ZFAND2A: variants seen among roughly 807,000 people sequenced by gnomAD.
The protein encoded by ZFAND2A is zinc finger AN1-type containing 2A.
A neutral mutation model predicts 11.6 loss-of-function variants in ZFAND2A; 20 were observed. The observed-to-expected ratio is 1.72, with a 90% CI of 1.21 to 2.50. The LOEUF (loss-of-function observed/expected upper bound fraction) is 2.50. Among genes scored for constraint, ZFAND2A ranks in the 30% most tolerant of loss-of-function variants. The pLI is 0.00. For synonymous variants in ZFAND2A, 93 were observed against 60.6 expected, an observed-to-expected ratio of 1.54 and a Z score of -2.48; for missense variants, 234 against 182.9, an observed-to-expected ratio of 1.28 and a Z score of -1.61.
downstream of ZFAND2A, among the ~76,000 whole-genome samples, chr7:1,148,875 C>T (rs1390095013): frequency 1.3e-5 from 2 of 148,536 alleles, no homozygotes; most frequent in Non-Finnish European, 3.0e-5. Flanking sequence ...CTCTGTGACC[C>T]AGGCTGGAGT....
At chr7:1,155,778 G>T in intron 3 of ZFAND2A, 194 bp from the exon 4 acceptor site, 1 of 566,944 alleles carries the variant, frequency 1.8e-6, no homozygotes, top group South Asian at 2.1e-5. Context: ...GGCATCAGCT[G>T]CCCTGAGGAG....
chr7:1,153,119 A>G lies in ZFAND2A; in HGVS notation c.388T>C (p.Leu130=), dbSNP rs1405451231. Residue 130 remains leucine (L), a synonymous_variant, in exon 5 of 5, where the codon TTG becomes CTG. Coordinates refer to ENST00000316495, the MANE Select transcript of ZFAND2A (RefSeq NM_182491.4). ...CTCCCGTGTCTGCAGCTGTGGTCCAAAGGGTGTCTGTGCTGGATACAGAAG... is the reference window on the plus strand; with the variant it reads ...CTCCCGTGTCTGCAGCTGTGGTCCAGAGGGTGTCTGTGCTGGATACAGAAG... The part of the protein sequence containing the change: ...GNFCIQHRHP[L]DHSCRHGSRP... 3 of 1,614,164 alleles carry G rather than the reference A, an allele frequency of 1.9e-6. No homozygotes were observed. The South Asian group carries it at 3.3e-5, about 18-fold the overall frequency.
At chr7:1,149,711 C>T (rs1793363016), downstream of ZFAND2A, among the ~76,000 whole-genome samples, 1 of 152,230 alleles carries the variant, frequency 6.6e-6, no homozygotes, top group Non-Finnish European at 1.5e-5. Flanking sequence ...GTGCAGAGTG[C>T]TACTGCGCTG....
intron 4 of ZFAND2A, among the ~76,000 whole-genome samples, chr7:1,153,831 A>G (rs1290286531): frequency 6.6e-6 from 1 of 152,168 alleles, no homozygotes; most frequent in Non-Finnish European, 1.5e-5. Context: ...CTGTAATCCC[A>G]GCTACTTGGG....
downstream of ZFAND2A, among the ~76,000 whole-genome samples, chr7:1,150,887 C>CTTTTTTTTTTTTTT (rs10568309): frequency 3.2e-4 from 41 of 128,096 alleles, 1 homozygote; most frequent in Non-Finnish European, 5.2e-4. Flanking sequence ...ACAACTGTGC[C>CTTTTTTTTTTTTTT]TTTTTTTTTT....
rs552835723 is a variant in ZFAND2A, at chr7:1,157,478, G to A, written c.150+178C>T. On this transcript the variant is annotated intron_variant, in intron 3 of 4. Transcript: ENST00000316495. ...CAGAATGTCCTGTGAGGGCAGACAC[G>A]CTCCTCTGTACTGCCTAACAGCAGG... The A allele has an allele frequency of 2.9e-5, 15 of 520,878 alleles. No homozygotes were observed. In the Middle Eastern group the frequency reaches 8.7e-4, roughly 30 times the overall value. 32.3% of individuals were successfully genotyped at this position (520,878 alleles called of 1,614,324 possible).
chr7:1,151,429 CG>C (rs1054422317), downstream of ZFAND2A, among the ~76,000 whole-genome samples: 3 of 151,828 alleles, frequency 2.0e-5, no homozygotes, highest in African/African-American at 7.3e-5. Flanking sequence ...TGGTGAAGAG[CG>C]CAAGTGAGCT....
chr7:1,149,627 A>T (rs1249933349), downstream of ZFAND2A, among the ~76,000 whole-genome samples: 2 of 152,182 alleles, frequency 1.3e-5, no homozygotes, highest in East Asian at 3.9e-4. Context: ...AGGGACTTAC[A>T]CAGAGCTCGA....
At position 1,159,632 on chromosome 7, in the gene ZFAND2A, A is replaced by C. The variant is rs1336217032; in HGVS notation, c.-46+332T>G. ...CCAGCAGACAGGCCGGACCCCCAGC[A>C]GCCAGACCCCGGCAGGCCCGGTCCC... On this transcript the variant is annotated intron_variant, in intron 1 of 4. Transcript: ENST00000316495. 9.7e-5 allele frequency among the ~76,000 whole-genome samples: 5 copies of C among 51,588 alleles called. 2 individuals are homozygous for C. The highest frequency in any genetic ancestry group is 2.1e-4 in the Non-Finnish European group (5 of 24,244). 33.8% of individuals were successfully genotyped at this position (51,588 alleles called of 152,430 possible). A position where few individuals can be genotyped will look rare whatever the true frequency, so the allele number is the denominator to read the frequency against.
At chr7:1,152,280 C>T (rs761560106), downstream of ZFAND2A, 18 of 1,583,330 alleles carry the variant, frequency 1.1e-5, no homozygotes, top group Admixed American at 9.0e-5. Flanking sequence ...TGGGCCAGCC[C>T]GCCAGGAGCC....
At chr7:1,159,474 A>C in intron 1 of ZFAND2A, among the ~76,000 whole-genome samples, 1 of 138,238 alleles carries the variant, frequency 7.2e-6, no homozygotes. Context: ...GACAGGCCGG[A>C]CCCCCAGCAG....
intron 1 of ZFAND2A, among the ~76,000 whole-genome samples, chr7:1,159,536 A>C (rs1403521305): frequency 1.1e-5 from 1 of 94,278 alleles, no homozygotes; most frequent in Admixed American, 1.1e-4. Context: ...CCCAACAGCC[A>C]GACCCCGGCA....
At chr7:1,159,109 CCCGCT>C (rs1169433130) in intron 1 of ZFAND2A, among the ~76,000 whole-genome samples, 1 of 152,148 alleles carries the variant, frequency 6.6e-6, no homozygotes, top group Non-Finnish European at 1.5e-5. Flanking sequence ...ATGTTACACG[CCCGCT>C]ACTTAAGGTG....
chr7:1,155,752 C>A (rs1444456754), intron 3 of ZFAND2A, 168 bp from the exon 4 acceptor site: 23 of 790,956 alleles, frequency 2.9e-5, no homozygotes, highest in Non-Finnish European at 3.7e-5. Flanking sequence ...TTAGCGGCAG[C>A]CATCTCTAGA....
chr7:1,159,214 G>C (rs1046830377), intron 1 of ZFAND2A, among the ~76,000 whole-genome samples: 2 of 152,328 alleles, frequency 1.3e-5, no homozygotes, highest in South Asian at 4.1e-4. Context: ...CCGACACACA[G>C]CAGGCGTTCC....
chr7:1,155,519 T>A lies in ZFAND2A; in HGVS notation c.216A>T (p.Pro72=), dbSNP rs1200345406. The part of the protein sequence containing the change: ...TPIPVKKGQI[P]DVVVGDHIDR... ...CAATGTGATCACCAACCACCACGTC[T>A]GGTATCTGGCCCTTTTTTACTGGGA... Residue 72 remains proline (P), a synonymous_variant, in exon 4 of 5, where the codon CCA becomes CCT. Coordinates refer to ENST00000316495, the MANE Select transcript of ZFAND2A (RefSeq NM_182491.4). 3 of 1,613,974 alleles carry A rather than the reference T, an allele frequency of 1.9e-6. No homozygotes were observed. The South Asian group carries it at 3.3e-5, about 18-fold the overall frequency.
At chr7:1,159,360 T>C (rs1430727637) in intron 1 of ZFAND2A, among the ~76,000 whole-genome samples, 1 of 152,056 alleles carries the variant, frequency 6.6e-6, no homozygotes, top group Non-Finnish European at 1.5e-5. Context: ...AAAACACACA[T>C]CTACGTGGCT....
chr7:1,153,216 T>C lies in ZFAND2A; in HGVS notation c.291A>G (p.Thr97=), dbSNP rs1457307502. 2 of 1,612,428 alleles carry C rather than the reference T, an allele frequency of 1.2e-6. No homozygotes were observed. The highest frequency in any genetic ancestry group is 8.5e-7 in the Non-Finnish European group (1 of 1,178,522). The change falls in exon 5 of 5, where the codon ACA becomes ACG. Residue 97 remains threonine (T), a synonymous_variant. Coordinates refer to ENST00000316495, the MANE Select transcript of ZFAND2A (RefSeq NM_182491.4). ...HPGKKKEKIF[T]YRCSKEGCKK... is the part of the protein sequence containing the mutation. ...TGCAGCCCTCTTTTGAGCAACGGTATGTAAAAATCTAAGAGAGCAAAGTGA... is the reference window on the plus strand; with the variant it reads ...TGCAGCCCTCTTTTGAGCAACGGTACGTAAAAATCTAAGAGAGCAAAGTGA...
chr7:1,151,762 T>TAAAAGAAAAAAA (rs1554344525), downstream of ZFAND2A, among the ~76,000 whole-genome samples: 14 of 87,172 alleles, frequency 1.6e-4, 1 homozygote, highest in South Asian at 3.6e-4. Flanking sequence ...TCATCCCTTT[T>TAAAAGAAAAAAA]AAAAAAAAAA....
Sources: allele counts gnomAD v4.1 joint callset (sites outside exome capture counted in the v4.1 genomes callset), GRCh38; gene constraint gnomAD v4.1.1; transcripts MANE v1.5; gene names NCBI Gene and HGNC (gene_info 2026-07-23, HGNC 2026-07-21).